The following SERPINI1 variants were observed in gnomAD, a reference collection of about 807,000 sequenced individuals.
The protein encoded by SERPINI1 is neuroserpin.
SERPINI1 carries 19 observed loss-of-function variants against 41.1 expected under a neutral mutation model. The observed-to-expected ratio is 0.46, with a 90% CI of 0.32 to 0.68. SERPINI1 has a LOEUF of 0.68. Ranked by LOEUF, SERPINI1 falls within the 30% of genes least tolerant of loss-of-function variation. SERPINI1 has a pLI of 0.03. For synonymous variants in SERPINI1, 138 were observed against 156.6 expected (o/e 0.88, Z 0.89); for missense variants, 460 against 479.2 (o/e 0.96, Z 0.37).
At chr3:167,795,066 A>C (rs1727670494) in intron 5 of SERPINI1, among the ~76,000 whole-genome samples, 1 of 151,764 alleles carries the variant, frequency 6.6e-6, no homozygotes, top group South Asian at 2.1e-4. Context: ...ATGCTCACTT[A>C]TTGGTTCATT....
intron 1 of SERPINI1, among the ~76,000 whole-genome samples, chr3:167,736,903 C>A (rs918583941): frequency 6.6e-6 from 1 of 151,924 alleles, no homozygotes; most frequent in African/African-American, 2.4e-5. Flanking sequence ...ACAGAGGTTC[C>A]CAGATTACAT....
intron 6 of SERPINI1, among the ~76,000 whole-genome samples, chr3:167,813,401 C>G (rs565128750): frequency 6.6e-6 from 1 of 152,264 alleles, no homozygotes; most frequent in South Asian, 2.1e-4. Context: ...AAATTATGTC[C>G]TCTCCTACTC....
chr3:167,807,207 C>T, intron 5 of SERPINI1, 37 bp from the exon 6 acceptor site: 4 of 1,321,910 alleles, frequency 3.0e-6, no homozygotes, highest in Non-Finnish European at 4.4e-6. Flanking sequence ...TAACAAGATG[C>T]TCTAACTAAA....
chr3:167,807,360 T>C lies in SERPINI1; in HGVS notation c.979+19T>C, dbSNP rs769886849. 9 of 1,450,404 alleles carry C rather than the reference T, an allele frequency of 6.2e-6. No individual in the cohort carries two copies. In the South Asian group the frequency reaches 1.0e-4, roughly 17 times the overall value. 89.8% of individuals were successfully genotyped at this position (1,450,404 alleles called of 1,614,324 possible). On this transcript the variant is annotated intron_variant, in intron 6 of 8. Transcript: ENST00000446050. ...CTCTCTGGTAAGAAATAAACACAAA[T>C]TTTTAAAAATGTTATTCCATAAGAG...
intron 1 of SERPINI1, among the ~76,000 whole-genome samples, chr3:167,770,533 A>AT (rs1161399582): frequency 6.6e-6 from 1 of 151,696 alleles, no homozygotes; most frequent in Admixed American, 6.6e-5. Context: ...GGTATTCTTA[A>AT]TTTTTTCTAC....
intron 5 of SERPINI1, chr3:167,800,232 A>G (rs1242852993): frequency 6.6e-6 from 1 of 151,980 alleles, no homozygotes; most frequent in Non-Finnish European, 1.5e-5. Context: ...CCATTTATCC[A>G]TGGTAGCAAA....
intron 6 of SERPINI1, among the ~76,000 whole-genome samples, chr3:167,810,658 G>A (rs1711843168): frequency 1.3e-5 from 2 of 152,268 alleles, no homozygotes; most frequent in South Asian, 4.1e-4. Flanking sequence ...ATAGACCAGG[G>A]TGGTGGTTGC....
intron 1 of SERPINI1, among the ~76,000 whole-genome samples, chr3:167,776,576 T>G (rs958387519): frequency 6.6e-6 from 1 of 152,264 alleles, no homozygotes; most frequent in Non-Finnish European, 1.5e-5. Flanking sequence ...AATTTTTCTC[T>G]GCTTTTGTTT....
intron 1 of SERPINI1, 68 bp from the exon 2 acceptor site, chr3:167,789,043 C>A: frequency 6.7e-7 from 1 of 1,485,636 alleles, no homozygotes; most frequent in Non-Finnish European, 9.3e-7. Flanking sequence ...AACCTCCCAA[C>A]ATATCCTTCC....
At chr3:167,811,038 G>A (rs1577431824) in intron 6 of SERPINI1, among the ~76,000 whole-genome samples, 1 of 152,056 alleles carries the variant, frequency 6.6e-6, no homozygotes, top group East Asian at 1.9e-4. Context: ...TCTAATTCAA[G>A]TTCTCTTGCT....
chr3:167,751,953 A>G (rs527587857), intron 1 of SERPINI1, among the ~76,000 whole-genome samples: 1 of 152,302 alleles, frequency 6.6e-6, no homozygotes, highest in East Asian at 1.9e-4. Flanking sequence ...AAAAAAGGTA[A>G]TTTATATGGT....
chr3:167,770,675 A>G (rs1359967156), intron 1 of SERPINI1, among the ~76,000 whole-genome samples: 4 of 152,148 alleles, frequency 2.6e-5, no homozygotes, highest in Non-Finnish European at 5.9e-5. Flanking sequence ...TAAGGTATCA[A>G]TTTCCACTTA....
intron 7 of SERPINI1, among the ~76,000 whole-genome samples, chr3:167,824,078 T>C (rs1712435841): frequency 6.6e-6 from 1 of 152,206 alleles, no homozygotes; most frequent in African/African-American, 2.4e-5. Context: ...AGAAACTCTC[T>C]TCAGTTTTTG....
intron 6 of SERPINI1, among the ~76,000 whole-genome samples, chr3:167,813,106 A>G (rs988232686): frequency 2.6e-5 from 4 of 152,196 alleles, no homozygotes; most frequent in African/African-American, 7.2e-5. Context: ...AGTGCTGTTG[A>G]TTTATGCTGG....
chr3:167,735,769 C>T lies in SERPINI1; in HGVS notation c.-73C>T, dbSNP rs1389704555. ...GCAGGAACGAGAGCGGAGCGGAGCA[C>T]AGTCCGCCGAGCACAAGCTCCAGCA... On this transcript the variant is annotated 5_prime_UTR_variant, in exon 1 of 9. Transcript: ENST00000446050. 6.6e-6 allele frequency: 1 copy of T among 152,388 alleles called. No homozygotes were observed. Among genetic ancestry groups the T allele is most frequent in the Non-Finnish European group, 1.5e-5 (1 of 68,194 alleles). 9.4% of individuals were successfully genotyped at this position (152,388 alleles called of 1,614,324 possible). A position where few individuals can be genotyped will look rare whatever the true frequency, so the allele number is the denominator to read the frequency against.
chr3:167,778,198 C>T (rs1727019948), intron 1 of SERPINI1, among the ~76,000 whole-genome samples: 1 of 151,772 alleles, frequency 6.6e-6, no homozygotes, highest in Non-Finnish European at 1.5e-5. Context: ...TGTACTCTTG[C>T]ATGCATGTAA....
At chr3:167,793,778 T>C (rs1427940095) in intron 4 of SERPINI1, among the ~76,000 whole-genome samples, 2 of 150,946 alleles carry the variant, frequency 1.3e-5, no homozygotes, top group Non-Finnish European at 2.9e-5. Flanking sequence ...ACAGGTTTTA[T>C]ATGTAGATAA....
intron 5 of SERPINI1, among the ~76,000 whole-genome samples, chr3:167,806,935 G>A (rs1711666438): frequency 6.6e-6 from 1 of 151,942 alleles, no homozygotes; most frequent in African/African-American, 2.4e-5. Context: ...TCAATACTAT[G>A]ATACTAAGTA....
intron 5 of SERPINI1, 141 bp downstream of exon 5, chr3:167,794,965 TTTCTCC>T (rs1023023186): frequency 7.2e-6 from 5 of 692,806 alleles, no homozygotes; most frequent in African/African-American, 3.7e-5. Flanking sequence ...TCTCCTTCTC[TTTCTCC>T]TTCTCCTTCT....
Sources: gnomAD v4.1 joint callset for allele counts (sites outside exome capture counted in the v4.1 genomes callset) on GRCh38, gnomAD v4.1.1 for gene constraint, MANE v1.5 for transcripts, NCBI Gene and HGNC (gene_info 2026-07-23, HGNC 2026-07-21) for gene names.